Variants in IQGAP1 observed in about 807,000 individuals in gnomAD.
IQGAP1 encodes IQ motif containing GTPase activating protein 1.
Under a neutral mutation model 215.6 loss-of-function variants are expected in IQGAP1, and 66 were observed. The observed-to-expected ratio is 0.31, with a 90% CI of 0.25 to 0.38. The LOEUF (loss-of-function observed/expected upper bound fraction) is 0.38, where lower values mean the gene tolerates loss of function less well. Ranked by LOEUF, IQGAP1 falls within the 10% of genes least tolerant of loss-of-function variation. The pLI is 1.00. For synonymous variants in IQGAP1, 772 were observed against 728.7 expected, an observed-to-expected ratio of 1.06 and a Z score of -0.96; for missense variants, 1,712 against 1,997.1, an observed-to-expected ratio of 0.86 and a Z score of 2.72.
intron 2 of IQGAP1, among the ~76,000 whole-genome samples, chr15:90,418,425 A>G (rs770319539): frequency 1.3e-5 from 2 of 151,854 alleles, no homozygotes; most frequent in Non-Finnish European, 1.5e-5. Context: ...TGTCTCTACA[A>G]ATAATTTTAA....
chr15:90,488,784 G>A (rs939567232), intron 33 of IQGAP1, among the ~76,000 whole-genome samples: 1 of 152,132 alleles, frequency 6.6e-6, no homozygotes, highest in African/African-American at 2.4e-5. Context: ...GCAGGAGAGC[G>A]ATGTGAACAA....
chr15:90,444,827 C>A (rs769298342), intron 9 of IQGAP1, among the ~76,000 whole-genome samples: 3 of 152,318 alleles, frequency 2.0e-5, no homozygotes, highest in Middle Eastern at 3.4e-3. Flanking sequence ...CTCCCATACT[C>A]ATTCTGTACA....
intron 2 of IQGAP1, among the ~76,000 whole-genome samples, chr15:90,408,899 C>G (rs538539483): frequency 6.6e-6 from 1 of 152,216 alleles, no homozygotes; most frequent in Admixed American, 6.5e-5. Context: ...TCCAGCCATC[C>G]CCAGACCTCA....
chr15:90,461,473 C>T (rs1017527796), intron 15 of IQGAP1, among the ~76,000 whole-genome samples: 4 of 152,136 alleles, frequency 2.6e-5, no homozygotes, highest in Admixed American at 1.3e-4. Flanking sequence ...GATTACTAGT[C>T]GTGAGTAGTA....
chr15:90,436,179 A>T (rs950728061), intron 5 of IQGAP1, among the ~76,000 whole-genome samples: 3 of 151,716 alleles, frequency 2.0e-5, no homozygotes, highest in South Asian at 4.1e-4. Flanking sequence ...ATAAGACCCC[A>T]GTTTTCCATT....
intron 2 of IQGAP1, among the ~76,000 whole-genome samples, chr15:90,407,160 T>A (rs1409445903): frequency 6.6e-6 from 1 of 152,184 alleles, no homozygotes; most frequent in East Asian, 1.9e-4. Context: ...AATCAGTGGG[T>A]GTTGGTTGTC....
In IQGAP1 at chr15:90,481,985, G is replaced by A; in HGVS notation, c.3355G>A (p.Glu1119Lys). ...CAAACTGCCCTATGATGTGACCCCT[G>A]AGCAGGCGCTAGCTCATGAAGAAGT... ...ASKLPYDVTP[E>K]QALAHEEVKT... Residue 1119 changes from glutamate (E) to lysine (K), a missense_variant, in exon 27 of 38, where the codon GAG becomes AAG. Around this residue, in one of 2 missense-constraint regions of IQGAP1, gnomAD observed 691 missense variants for 923.0 expected, o/e 0.75. Coordinates refer to ENST00000268182, the MANE Select transcript of IQGAP1 (RefSeq NM_003870.4). 1 of 1,614,230 alleles carries A rather than the reference G, an allele frequency of 6.2e-7. No individual in the cohort carries two copies. The highest frequency in any genetic ancestry group is 8.5e-7 in the Non-Finnish European group (1 of 1,180,046).
intron 34 of IQGAP1, among the ~76,000 whole-genome samples, chr15:90,492,048 A>T (rs1234822776): frequency 6.6e-6 from 1 of 152,206 alleles, no homozygotes; most frequent in African/African-American, 2.4e-5. Flanking sequence ...CTTTGCAAGT[A>T]AATTCTAAAA....
intron 18 of IQGAP1, among the ~76,000 whole-genome samples, chr15:90,470,249 A>T (rs958898246): frequency 2.0e-5 from 3 of 151,890 alleles, no homozygotes; most frequent in Admixed American, 6.6e-5. Context: ...TTCCTTCTTC[A>T]TTTTCTCTCT....
chr15:90,476,585 T>C (rs1217891647), intron 23 of IQGAP1, 78 bp from the exon 24 acceptor site: 1 of 1,121,428 alleles, frequency 8.9e-7, no homozygotes, highest in Non-Finnish European at 1.3e-6. Flanking sequence ...AGTTTGCACA[T>C]GCTGCAAAAC....
chr15:90,443,168 C>T (rs964780520), intron 8 of IQGAP1, among the ~76,000 whole-genome samples: 1 of 152,098 alleles, frequency 6.6e-6, no homozygotes, highest in Non-Finnish European at 1.5e-5. Flanking sequence ...GCTATGTTGC[C>T]CAGGCTGATC....
intron 26 of IQGAP1, 39 bp from the exon 27 acceptor site, chr15:90,481,921 T>TTAGTCTAACATAGTTGGGTA: frequency 6.2e-7 from 1 of 1,608,990 alleles, no homozygotes; most frequent in African/African-American, 1.3e-5. Context: ...TTCCTGGCTG[T>TTAGTCTAACATAGTTGGGTA]TAGTCTAACA....
At chr15:90,408,678 G>C (rs956005124) in intron 2 of IQGAP1, among the ~76,000 whole-genome samples, 1 of 152,108 alleles carries the variant, frequency 6.6e-6, no homozygotes, top group African/African-American at 2.4e-5. Context: ...GGGCATCCCT[G>C]TCTCTACCTT....
intron 23 of IQGAP1, chr15:90,475,003 T>TTTC: frequency 4.1e-6 from 1 of 243,816 alleles, no homozygotes; most frequent in East Asian, 9.0e-5. Context: ...GCTTTTTTTT[T>TTTC]TTTTTTTTTT....
chr15:90,452,805 C>A lies in IQGAP1; in HGVS notation c.1193C>A (p.Ala398Glu). The stretch of plus-strand genomic sequence containing the variant: ...GCAGCAGTAGCACTGATTAATGCTG[C>A]AATCCAGAAGGGTGTTGCTGAGAAG... ...RLAAVALINAAIQKGVAEKTV... is the reference protein window; with the variant it reads ...RLAAVALINAEIQKGVAEKTV... The change falls in exon 12 of 38, where the codon GCA becomes GAA. Residue 398 changes from alanine (A) to glutamate (E), a missense_variant. This residue lies in a region of IQGAP1 where 1,021 missense variants were observed against 1,074.2 expected (regional missense o/e 0.95). Transcript: ENST00000268182. The A allele has an allele frequency of 1.9e-6, 3 of 1,614,140 alleles. No homozygotes were observed. Among genetic ancestry groups the A allele is most frequent in the Non-Finnish European group, 1.7e-6 (2 of 1,180,000 alleles).
At chr15:90,461,913 G>A (rs1333049964) in intron 15 of IQGAP1, among the ~76,000 whole-genome samples, 1 of 151,742 alleles carries the variant, frequency 6.6e-6, no homozygotes, top group Non-Finnish European at 1.5e-5. Flanking sequence ...GCTGAGGCAG[G>A]TGGATCACGA....
intron 2 of IQGAP1, among the ~76,000 whole-genome samples, chr15:90,405,652 C>G (rs1243876477): frequency 6.6e-6 from 1 of 151,766 alleles, no homozygotes; most frequent in Non-Finnish European, 1.5e-5. Context: ...TATTTGGAAT[C>G]TTTGTCATAG....
At chr15:90,492,444 A>C in intron 34 of IQGAP1, 101 bp from the exon 35 acceptor site, 10 of 461,250 alleles carry the variant, frequency 2.2e-5, no homozygotes, top group East Asian at 4.5e-5. Context: ...AAAAAAAAGT[A>C]GGTAGTCATA....
chr15:90,456,433 A>C, intron 15 of IQGAP1, 118 bp downstream of exon 15: 1 of 968,928 alleles, frequency 1.0e-6, no homozygotes, highest in East Asian at 2.6e-5. Flanking sequence ...GCACCCTTAG[A>C]TTCAAAGCAC....
Sources: allele counts gnomAD v4.1 joint callset (sites outside exome capture counted in the v4.1 genomes callset), GRCh38; gene constraint gnomAD v4.1.1; regional missense constraint gnomAD v4.1.1; transcripts MANE v1.5; gene names NCBI Gene and HGNC (gene_info 2026-07-23, HGNC 2026-07-21).